Variants in NR2C2 observed in about 807,000 individuals in gnomAD.
NR2C2 encodes nuclear receptor subfamily 2 group C member 2.
Under a neutral mutation model 62.9 loss-of-function variants are expected in NR2C2, and 6 were observed. That is an observed-to-expected ratio of 0.10 (90% CI 0.05 to 0.19). NR2C2 has a LOEUF of 0.19. NR2C2 is among the 10% of genes least tolerant of loss of function. The pLI, the probability that NR2C2 is intolerant of heterozygous loss-of-function variation, is 1.00. For synonymous variants in NR2C2, 272 were observed against 273.8 expected (o/e 0.99, Z 0.07); for missense variants, 479 against 762.7 (o/e 0.63, Z 4.38).
At chr3:14,988,681 A>C (rs1331377517) in intron 1 of NR2C2, among the ~76,000 whole-genome samples, 1 of 152,180 alleles carries the variant, frequency 6.6e-6, no homozygotes, top group Non-Finnish European at 1.5e-5. Flanking sequence ...ATAGTTGTTG[A>C]GGTGAAGGGA....
intron 2 of NR2C2, chr3:15,004,719 A>T: frequency 1.5e-6 from 2 of 1,317,648 alleles, no homozygotes; most frequent in East Asian, 2.5e-5. Flanking sequence ...GCCAATTATA[A>T]CGGTTGATTT....
intron 1 of NR2C2, among the ~76,000 whole-genome samples, chr3:14,957,333 C>T (rs777819672): frequency 4.6e-5 from 7 of 152,160 alleles, no homozygotes; most frequent in Non-Finnish European, 8.8e-5. Flanking sequence ...CAGGTGTTTC[C>T]AGAGCCCAGC....
chr3:14,978,443 G>A (rs2040269373), intron 1 of NR2C2, among the ~76,000 whole-genome samples: 1 of 152,158 alleles, frequency 6.6e-6, no homozygotes, highest in African/African-American at 2.4e-5. Context: ...AAACAGAATG[G>A]TCATCTAGGT....
At chr3:15,030,117 T>C (rs1416889761) in intron 8 of NR2C2, among the ~76,000 whole-genome samples, 158 bp from the exon 9 acceptor site, 1 of 151,888 alleles carries the variant, frequency 6.6e-6, no homozygotes, top group Non-Finnish European at 1.5e-5. Context: ...CTGCAGTCAA[T>C]AGTTTGAGAC....
chr3:14,964,711 G>A (rs920068288), intron 1 of NR2C2, among the ~76,000 whole-genome samples: 2 of 150,654 alleles, frequency 1.3e-5, no homozygotes, highest in Non-Finnish European at 3.0e-5. Context: ...TTTTAGTAGA[G>A]ACGGGTTTCA....
chr3:14,970,067 C>T (rs982917798), intron 1 of NR2C2, among the ~76,000 whole-genome samples: 5 of 152,110 alleles, frequency 3.3e-5, no homozygotes, highest in African/African-American at 9.7e-5. Context: ...CATATACATA[C>T]ATTTAAAAGT....
At chr3:15,016,630 C>A (rs2041518592) in intron 4 of NR2C2, among the ~76,000 whole-genome samples, 1 of 152,120 alleles carries the variant, frequency 6.6e-6, no homozygotes, top group Non-Finnish European at 1.5e-5. Flanking sequence ...TCTTAACATC[C>A]CCTCACTATA....
chr3:14,997,451 A>G (rs2040863779), intron 1 of NR2C2, among the ~76,000 whole-genome samples: 1 of 152,244 alleles, frequency 6.6e-6, no homozygotes, highest in Non-Finnish European at 1.5e-5. Context: ...GTTCATTATT[A>G]AAGGATGCAA....
intron 13 of NR2C2, among the ~76,000 whole-genome samples, chr3:15,041,858 A>AAAAAAC (rs1163274203): frequency 6.6e-6 from 1 of 152,190 alleles, no homozygotes; most frequent in South Asian, 2.1e-4. Context: ...CACTATCTCA[A>AAAAAAC]AAAAACAAAA....
At chr3:14,948,303 T>C (rs1005985037) in intron 1 of NR2C2, 3 of 152,374 alleles carry the variant, frequency 2.0e-5, no homozygotes, top group African/African-American at 7.2e-5. Flanking sequence ...TCTGCCGGGA[T>C]TTTCACCCCT....
rs1053250433 is a variant in NR2C2, at chr3:14,966,318, T to C, written c.-40+18412T>C. Among the ~76,000 whole-genome samples the C allele has an allele frequency of 5.9e-5, 9 of 152,198 alleles. No homozygotes were observed. The East Asian group carries it at 7.7e-4, about 13-fold the overall frequency. On this transcript the variant is annotated intron_variant, in intron 1 of 13. Coordinates refer to ENST00000425241, the MANE Select transcript of NR2C2 (RefSeq NM_001291694.2). ...GGGATAAGCCCGAGATAGGCTACAC[T>C]AGTTGAATAGGAAAGATAGGATCTT... is the stretch of plus-strand genomic sequence containing the variant.
intron 1 of NR2C2, among the ~76,000 whole-genome samples, chr3:14,990,197 C>G (rs1268378514): frequency 6.6e-6 from 1 of 152,128 alleles, no homozygotes; most frequent in African/African-American, 2.4e-5. Flanking sequence ...CAGGTCTTTC[C>G]TCCTCTCCTT....
intron 1 of NR2C2, among the ~76,000 whole-genome samples, chr3:14,981,620 AAAAG>A (rs1282648987): frequency 1.3e-5 from 2 of 150,830 alleles, no homozygotes; most frequent in South Asian, 2.1e-4. Context: ...AAAAAAAAAA[AAAAG>A]AGTATTGATT....
intron 12 of NR2C2, 133 bp from the exon 13 acceptor site, chr3:15,038,989 C>T (rs1394133742): frequency 1.5e-6 from 1 of 672,076 alleles, no homozygotes; most frequent in African/African-American, 1.8e-5. Flanking sequence ...AATACCCAAA[C>T]TAGATCAGTC....
At chr3:14,966,646 A>C (rs2039866883) in intron 1 of NR2C2, among the ~76,000 whole-genome samples, 1 of 152,204 alleles carries the variant, frequency 6.6e-6, no homozygotes, top group African/African-American at 2.4e-5. Context: ...TGCTTCATGA[A>C]ATACAGCAAC....
intron 12 of NR2C2, 35 bp downstream of exon 12, chr3:15,038,172 CACCTGTATCT>C: frequency 6.3e-7 from 1 of 1,583,318 alleles, no homozygotes. Context: ...GACCCCTTTC[CACCTGTATCT>C]ACTGATGTTT....
intron 1 of NR2C2, among the ~76,000 whole-genome samples, chr3:14,962,695 T>C (rs1331338550): frequency 1.3e-5 from 2 of 149,942 alleles, no homozygotes; most frequent in Non-Finnish European, 3.0e-5. Context: ...GGGTGGCCTA[T>C]CTGCTTTTAA....
At chr3:14,960,361 A>AT (rs2039656388) in intron 1 of NR2C2, among the ~76,000 whole-genome samples, 1 of 152,220 alleles carries the variant, frequency 6.6e-6, no homozygotes, top group Non-Finnish European at 1.5e-5. Flanking sequence ...CTGTGACTTC[A>AT]TATCTGTAGT....
chr3:15,002,695 G>A (rs1187424544), intron 1 of NR2C2, among the ~76,000 whole-genome samples: 1 of 70,268 alleles, frequency 1.4e-5, no homozygotes, highest in Non-Finnish European at 2.6e-5. Context: ...TTTCACTCTT[G>A]TTGCCCAGGG....
Sources: allele counts gnomAD v4.1 joint callset (sites outside exome capture counted in the v4.1 genomes callset), GRCh38; gene constraint gnomAD v4.1.1; transcripts MANE v1.5; gene names NCBI Gene and HGNC (gene_info 2026-07-23, HGNC 2026-07-21).